Variants in PIP4K2A observed in about 807,000 individuals in gnomAD.
PIP4K2A encodes the protein phosphatidylinositol-5-phosphate 4-kinase type 2 alpha.
In PIP4K2A, 14 loss-of-function variants were observed where a neutral mutation model predicts 42.9. That is an observed-to-expected ratio of 0.33 (90% CI 0.22 to 0.51). The LOEUF is 0.51. Ranked by LOEUF, PIP4K2A falls within the 20% of genes least tolerant of loss-of-function variation. The pLI is 0.97. For synonymous variants in PIP4K2A, 192 were observed against 192.2 expected, an observed-to-expected ratio of 1.00 and a Z score of 0.01; for missense variants, 434 against 519.8, an observed-to-expected ratio of 0.83 and a Z score of 1.61.
Position 22,539,955 on chromosome 10 carries a change from A to C in PIP4K2A, c.1140+16T>G, listed in dbSNP as rs1036648717. ...AGGGAGAGAAAGAGAGAAGGAAACA[A>C]AATGGAGATACTCACGCCATGTTTA... On this transcript the variant is annotated intron_variant, in intron 9 of 9. Coordinates refer to ENST00000376573, the MANE Select transcript of PIP4K2A (RefSeq NM_005028.5). 11 of 1,438,058 alleles carry C rather than the reference A, an allele frequency of 7.6e-6. No homozygotes were observed. The highest frequency in any genetic ancestry group is 9.8e-6 in the Non-Finnish European group (10 of 1,019,432). The allele number at this position is 1,438,058 out of a possible 1,614,324, so 89.1% of individuals were successfully genotyped here.
rs960924309 is a variant in PIP4K2A, at chr10:22,575,814, C to T, written c.493-2357G>A. Among the ~76,000 whole-genome samples, 4 of 151,764 alleles carry T rather than the reference C, an allele frequency of 2.6e-5. No homozygotes were observed. In the South Asian group the frequency reaches 6.3e-4, roughly 24 times the overall value. Reference sequence around the variant, plus strand: ...TTAGCTGGGTGTGGTGGTGCACACCCGTAATCCCAGCTACTCGGGAGGCTG... The same window carrying T: ...TTAGCTGGGTGTGGTGGTGCACACCTGTAATCCCAGCTACTCGGGAGGCTG... On this transcript the variant is annotated intron_variant, in intron 4 of 9. Transcript: ENST00000376573.
intron 6 of PIP4K2A, among the ~76,000 whole-genome samples, chr10:22,553,811 T>TA (rs1445528102): frequency 6.0e-5 from 9 of 149,144 alleles, no homozygotes; most frequent in Non-Finnish European, 8.9e-5. Flanking sequence ...TTTTTTTTTT[T>TA]TTACAAAAAC....
chr10:22,626,402 C>T (rs1182193623), intron 1 of PIP4K2A, among the ~76,000 whole-genome samples: 8 of 152,174 alleles, frequency 5.3e-5, no homozygotes, highest in Admixed American at 3.3e-4. Context: ...CAAGAGACAA[C>T]TCAAGTTTTG....
chr10:22,557,944 AT>A (rs1458416071), intron 6 of PIP4K2A, among the ~76,000 whole-genome samples: 3 of 152,200 alleles, frequency 2.0e-5, no homozygotes, highest in Non-Finnish European at 2.9e-5. Flanking sequence ...TGCAAACAGG[AT>A]TTTGGCACTA....
intron 1 of PIP4K2A, among the ~76,000 whole-genome samples, chr10:22,658,042 G>A (rs908738081): frequency 1.3e-5 from 2 of 152,070 alleles, no homozygotes; most frequent in African/African-American, 4.8e-5. Flanking sequence ...GAAGAGAAAC[G>A]TGTAATTTTT....
intron 1 of PIP4K2A, among the ~76,000 whole-genome samples, chr10:22,628,411 C>A (rs551838988): frequency 6.6e-6 from 1 of 152,030 alleles, no homozygotes; most frequent in Non-Finnish European, 1.5e-5. Context: ...AAAAATTGTA[C>A]CCTAAATGCT....
chr10:22,697,017 G>A (rs1432659582), intron 1 of PIP4K2A, among the ~76,000 whole-genome samples: 1 of 151,956 alleles, frequency 6.6e-6, no homozygotes, highest in Non-Finnish European at 1.5e-5. Context: ...CACATAAAGT[G>A]GAAATAACAG....
intron 1 of PIP4K2A, among the ~76,000 whole-genome samples, chr10:22,699,843 T>G (rs552769184): frequency 4.6e-5 from 7 of 152,162 alleles, no homozygotes; most frequent in African/African-American, 1.7e-4. Flanking sequence ...GGCAGACCAC[T>G]GAAAAACTAT....
chr10:22,537,887 C>G (rs571262920), intron 9 of PIP4K2A, among the ~76,000 whole-genome samples: 1 of 152,174 alleles, frequency 6.6e-6, no homozygotes, highest in Non-Finnish European at 1.5e-5. Context: ...CCATCTTGCC[C>G]ACGGGGGAAG....
intron 1 of PIP4K2A, among the ~76,000 whole-genome samples, chr10:22,669,633 G>A (rs755094455): frequency 3.3e-5 from 5 of 152,150 alleles, no homozygotes; most frequent in Admixed American, 6.5e-5. Flanking sequence ...GGTTTATTGC[G>A]GGCGTGCCCA....
At chr10:22,674,254 AAC>A (rs1839511057) in intron 1 of PIP4K2A, among the ~76,000 whole-genome samples, 1 of 152,066 alleles carries the variant, frequency 6.6e-6, no homozygotes, top group Non-Finnish European at 1.5e-5. Context: ...CCTTCATATC[AAC>A]ACTGTTCTTC....
intron 4 of PIP4K2A, among the ~76,000 whole-genome samples, chr10:22,582,912 A>T (rs1304091978): frequency 5.1e-5 from 7 of 136,568 alleles, no homozygotes; most frequent in African/African-American, 1.8e-4. Context: ...AAAAAAAAAA[A>T]GTAAGGATGA....
At chr10:22,692,430 T>A (rs1329475410) in intron 1 of PIP4K2A, among the ~76,000 whole-genome samples, 3 of 152,124 alleles carry the variant, frequency 2.0e-5, no homozygotes, top group Non-Finnish European at 4.4e-5. Flanking sequence ...CTGGTCCATC[T>A]GTGGAGTAGG....
chr10:22,566,875 C>G (rs1836860168), intron 6 of PIP4K2A, among the ~76,000 whole-genome samples: 1 of 152,174 alleles, frequency 6.6e-6, no homozygotes, highest in Admixed American at 6.5e-5. Flanking sequence ...ACATAATTTT[C>G]TATTTGAGGT....
intron 1 of PIP4K2A, among the ~76,000 whole-genome samples, chr10:22,682,357 C>A (rs1261682099): frequency 6.6e-6 from 1 of 152,190 alleles, no homozygotes; most frequent in East Asian, 1.9e-4. Context: ...GCAATGGTAG[C>A]CCTCAAACCT....
chr10:22,695,923 G>A (rs1839961322), intron 1 of PIP4K2A, among the ~76,000 whole-genome samples: 1 of 152,094 alleles, frequency 6.6e-6, no homozygotes, highest in Non-Finnish European at 1.5e-5. Context: ...AGGGCTGACT[G>A]TATACAGATT....
chr10:22,714,157 A>T (rs1339182826), intron 1 of PIP4K2A, 26 bp downstream of exon 1: 7 of 1,587,658 alleles, frequency 4.4e-6, no homozygotes, highest in African/African-American at 1.4e-5. Flanking sequence ...GAGGAAGGGG[A>T]CCGCGCGCCG....
chr10:22,706,475 T>C (rs1833824958), intron 1 of PIP4K2A, among the ~76,000 whole-genome samples: 1 of 152,226 alleles, frequency 6.6e-6, no homozygotes, highest in Non-Finnish European at 1.5e-5. Flanking sequence ...CTGCCTCATG[T>C]CTAAGCCCTT....
At chr10:22,545,501 C>G (rs1836239390) in intron 7 of PIP4K2A, among the ~76,000 whole-genome samples, 1 of 152,240 alleles carries the variant, frequency 6.6e-6, no homozygotes, top group Admixed American at 6.5e-5. Flanking sequence ...CCACACCGGG[C>G]AGCCCAGAGT....
Sources: allele counts gnomAD v4.1 joint callset (sites outside exome capture counted in the v4.1 genomes callset), GRCh38; gene constraint gnomAD v4.1.1; transcripts MANE v1.5; gene names NCBI Gene and HGNC (gene_info 2026-07-23, HGNC 2026-07-21).